Variants in NCAM1 observed in about 807,000 individuals in gnomAD.
The protein encoded by NCAM1 is antigen recognized by monoclonal antibody 5.1H11.
A neutral mutation model predicts 109.8 loss-of-function variants in NCAM1; 14 were observed. The ratio of observed to expected loss-of-function variants is 0.13; its 90% CI spans 0.08 to 0.20. The LOEUF is 0.20. Among genes scored for constraint, NCAM1 ranks in the 10% least tolerant of loss-of-function variants. The probability of loss-of-function intolerance (pLI) is 1.00; values close to 1 mark genes in which losing one functional copy is unlikely to be tolerated. For missense variants in NCAM1, 774 were observed against 1,109.9 expected, an observed-to-expected ratio of 0.70 and a Z score of 4.30; for synonymous variants, 418 against 442.9, an observed-to-expected ratio of 0.94 and a Z score of 0.70.
At chr11:113,009,017 G>A (rs782090798) in intron 1 of NCAM1, among the ~76,000 whole-genome samples, 5 of 152,148 alleles carry the variant, frequency 3.3e-5, no homozygotes, top group Non-Finnish European at 5.9e-5. Flanking sequence ...GTGTCACAGC[G>A]GGAGAGTGCA....
intron 1 of NCAM1, among the ~76,000 whole-genome samples, chr11:112,966,877 T>G (rs1195513169): frequency 1.3e-5 from 2 of 152,238 alleles, no homozygotes; most frequent in Non-Finnish European, 2.9e-5. Flanking sequence ...TTTCCTTTCC[T>G]GCAGTATTAA....
chr11:113,018,124 G>T (rs1555075583), intron 1 of NCAM1, among the ~76,000 whole-genome samples: 1 of 152,040 alleles, frequency 6.6e-6, no homozygotes, highest in African/African-American at 2.4e-5. Flanking sequence ...ACTTAGCCAG[G>T]CTTGTGGAAT....
chr11:113,095,113 T>C (rs984533050), intron 1 of NCAM1, among the ~76,000 whole-genome samples: 3 of 152,228 alleles, frequency 2.0e-5, no homozygotes, highest in Admixed American at 6.5e-5. Flanking sequence ...TGATATTTCA[T>C]GGAGTTTTTA....
At chr11:113,257,056 C>A (rs1174369415) in intron 16 of NCAM1, among the ~76,000 whole-genome samples, 1 of 152,206 alleles carries the variant, frequency 6.6e-6, no homozygotes, top group Non-Finnish European at 1.5e-5. Context: ...GCTGCAGAGG[C>A]CTTGTTCCCA....
chr11:112,979,438 A>C (rs1034989917), intron 1 of NCAM1, among the ~76,000 whole-genome samples: 1 of 151,852 alleles, frequency 6.6e-6, no homozygotes, highest in African/African-American at 2.4e-5. Context: ...TCCATTCAAC[A>C]AAATAGAATG....
At chr11:113,015,644 A>T (rs1349229659) in intron 1 of NCAM1, among the ~76,000 whole-genome samples, 2 of 151,942 alleles carry the variant, frequency 1.3e-5, no homozygotes, top group African/African-American at 2.4e-5. Context: ...GCTGAGGCAG[A>T]TGAATTGCTT....
intron 1 of NCAM1, among the ~76,000 whole-genome samples, chr11:113,199,557 A>G (rs2136847644): frequency 6.8e-6 from 1 of 148,040 alleles, no homozygotes; most frequent in East Asian, 2.1e-4. Context: ...GCAAAAGGCC[A>G]GGCGTCTAAA....
chr11:113,261,472 C>T (rs562924344), intron 17 of NCAM1, among the ~76,000 whole-genome samples: 2 of 152,094 alleles, frequency 1.3e-5, no homozygotes, highest in South Asian at 4.2e-4. Flanking sequence ...AATTGGTCCA[C>T]CCTGCATTGA....
intron 1 of NCAM1, among the ~76,000 whole-genome samples, chr11:113,025,311 A>G (rs557341393): frequency 3.3e-5 from 5 of 152,318 alleles, no homozygotes; most frequent in Admixed American, 2.6e-4. Context: ...GTTATGAGAC[A>G]TAACTGTAGA....
chr11:113,018,839 T>C (rs11214461), intron 1 of NCAM1, among the ~76,000 whole-genome samples: 236 of 152,318 alleles, frequency 1.5e-3, no homozygotes, highest in Non-Finnish European at 2.8e-3. Context: ...TTAGTTTTAT[T>C]GGACTTTTAT....
chr11:113,140,848 C>G (rs1801145251), intron 1 of NCAM1, among the ~76,000 whole-genome samples: 1 of 152,124 alleles, frequency 6.6e-6, no homozygotes, highest in Non-Finnish European at 1.5e-5. Context: ...ATACTAAAGG[C>G]AAGATACAAA....
At chr11:113,192,940 T>G (rs1943729047) in intron 1 of NCAM1, among the ~76,000 whole-genome samples, 1 of 152,166 alleles carries the variant, frequency 6.6e-6, no homozygotes, top group Admixed American at 6.5e-5. Context: ...TTAGGCCAGT[T>G]TCACCCCTTC....
At chr11:113,195,273 G>A (rs1943817425) in intron 1 of NCAM1, among the ~76,000 whole-genome samples, 1 of 152,144 alleles carries the variant, frequency 6.6e-6, no homozygotes, top group African/African-American at 2.4e-5. Context: ...AGACAAGACT[G>A]CTCTGTCATC....
chr11:113,220,604 T>TTTTTTTTTTTTTG (rs1944664686), intron 8 of NCAM1, among the ~76,000 whole-genome samples: 1 of 68,606 alleles, frequency 1.5e-5, no homozygotes, highest in Non-Finnish European at 3.2e-5. Context: ...CTCTCTCTCT[T>TTTTTTTTTTTTTG]TTTTTTTTTT....
intron 2 of NCAM1, 129 bp from the exon 3 acceptor site, chr11:113,204,157 C>T (rs1944161804): frequency 2.8e-6 from 2 of 724,364 alleles, no homozygotes; most frequent in East Asian, 5.4e-5. Flanking sequence ...CATACTCACC[C>T]CTCCCTGATG....
At position 113,206,101 on chromosome 11, in the gene NCAM1, T is replaced by C; in HGVS notation, c.549T>C (p.Asp183=). Residue 183 remains aspartate (D), a synonymous_variant, in exon 5 of 20, where the codon GAT becomes GAC. Coordinates refer to ENST00000316851, the MANE Select transcript of NCAM1 (RefSeq NM_181351.5). ...AGATCCGGGGCATCAAGAAAACAGA[T>C]GAGGGCACTTATCGCTGTGAGGGCA... is the stretch of plus-strand genomic sequence containing the variant. ...YLQIRGIKKT[D]EGTYRCEGRI... is the part of the protein sequence containing the mutation. The C allele has an allele frequency of 6.2e-7, 1 of 1,613,904 alleles. No homozygotes were observed. The highest frequency in any genetic ancestry group is 8.5e-7 in the Non-Finnish European group (1 of 1,179,854).
At chr11:113,005,160 T>C (rs528053442) in intron 1 of NCAM1, among the ~76,000 whole-genome samples, 1 of 152,330 alleles carries the variant, frequency 6.6e-6, no homozygotes, top group East Asian at 1.9e-4. Context: ...CATTCTCCGA[T>C]ATCCTTTCTT....
chr11:113,019,048 G>T (rs1017120545), intron 1 of NCAM1, among the ~76,000 whole-genome samples: 1 of 151,932 alleles, frequency 6.6e-6, no homozygotes, highest in Non-Finnish European at 1.5e-5. Context: ...TCCCTTCCAC[G>T]TGAAATGCCC....
In NCAM1 at chr11:113,273,640, T is replaced by C. The variant is rs1555125969; in HGVS notation, c.2457-1627T>C. 2.2e-6 allele frequency: 1 copy of C among 455,448 alleles called. No homozygotes were observed. The highest frequency in any genetic ancestry group is 4.4e-6 in the Non-Finnish European group (1 of 226,142). The allele number at this position is 455,448 out of a possible 1,614,324, so 28.2% of individuals were successfully genotyped here. A position where few individuals can be genotyped will look rare whatever the true frequency, so the allele number is the denominator to read the frequency against. ...GATATTGACCTTGCAAAGGATGTTT[T>C]TGCAGCCCTGGGCTCTCCTGCTCCC... On this transcript the variant is annotated intron_variant, in intron 19 of 19. Transcript: ENST00000316851. This position sits in a 1 kb window ranked among gnomAD's most constrained non-coding sequence, Gnocchi z 6.0.
Sources: gnomAD v4.1 joint callset for allele counts (sites outside exome capture counted in the v4.1 genomes callset) on GRCh38, gnomAD v4.1.1 for gene constraint, Gnocchi (gnomAD v3.1) non-coding constraint, MANE v1.5 for transcripts, NCBI Gene and HGNC (gene_info 2026-07-23, HGNC 2026-07-21) for gene names.